CLVS2: variants seen among roughly 807,000 people sequenced by gnomAD.
The protein encoded by CLVS2 is clavesin-2.
In CLVS2, 19 loss-of-function variants were observed where a neutral mutation model predicts 29.0. That is an observed-to-expected ratio of 0.66 (90% CI 0.46 to 0.96). The LOEUF (loss-of-function observed/expected upper bound fraction) is 0.96, where lower values mean the gene tolerates loss of function less well. Among genes scored for constraint, CLVS2 ranks in the 40% least tolerant of loss-of-function variants. The probability of loss-of-function intolerance (pLI) is 0.00; values close to 1 mark genes in which losing one functional copy is unlikely to be tolerated. For missense variants in CLVS2, 294 were observed against 404.1 expected (o/e 0.73, Z 2.34); for synonymous variants, 161 against 151.3 (o/e 1.06, Z -0.47).
intron 2 of CLVS2, among the ~76,000 whole-genome samples, chr6:122,999,932 G>A (rs575842679): frequency 1.3e-5 from 2 of 152,174 alleles, no homozygotes; most frequent in Non-Finnish European, 2.9e-5. Flanking sequence ...ATATATATGA[G>A]AAAGTGATAA....
At chr6:123,031,197 C>T (rs1775078856) in intron 3 of CLVS2, among the ~76,000 whole-genome samples, 1 of 152,096 alleles carries the variant, frequency 6.6e-6, no homozygotes, top group Admixed American at 6.6e-5. Flanking sequence ...TCTCAAACTC[C>T]TGGGTTCAAG....
In CLVS2 at chr6:123,004,943, CA is replaced by C. The variant is rs1226847369; in HGVS notation, c.390-6036del. On this transcript the variant is annotated intron_variant, in intron 2 of 5. Coordinates refer to ENST00000275162, the MANE Select transcript of CLVS2 (RefSeq NM_001010852.4). ...ACAAAAACAAAAACAAAAACAAAAACAAAAAACAAAAAAAAAAAAAACCAAT... is the reference window on the plus strand; with the variant it reads ...ACAAAAACAAAAACAAAAACAAAAACAAAAACAAAAAAAAAAAAAACCAAT... Among the ~76,000 whole-genome samples, 456 of 62,164 alleles carry C rather than the reference CA, an allele frequency of 7.3e-3. 2 individuals are homozygous for C. The highest frequency in any genetic ancestry group is 0.034 in the African/African-American group (378 of 11,058). The allele number at this position is 62,164 out of a possible 152,430, so 40.8% of individuals were successfully genotyped here.
chr6:123,059,876 C>A (rs1249874601), intron 5 of CLVS2, among the ~76,000 whole-genome samples: 1 of 152,144 alleles, frequency 6.6e-6, no homozygotes, highest in Non-Finnish European at 1.5e-5. Flanking sequence ...TTGCTTGTAG[C>A]CCATTAGTGG....
chr6:123,048,166 G>A (rs924612410), intron 3 of CLVS2, among the ~76,000 whole-genome samples: 1 of 152,094 alleles, frequency 6.6e-6, no homozygotes. Flanking sequence ...TGAGTTTTGT[G>A]TCTGGCATTT....
chr6:123,015,712 CT>C (rs1213823248), intron 3 of CLVS2, among the ~76,000 whole-genome samples: 1 of 152,074 alleles, frequency 6.6e-6, no homozygotes, highest in East Asian at 1.9e-4. Context: ...TGGCCTGTGG[CT>C]TTGGACTTTT....
intron 3 of CLVS2, among the ~76,000 whole-genome samples, chr6:123,047,848 C>G (rs1772540699): frequency 6.6e-6 from 1 of 151,980 alleles, no homozygotes; most frequent in Non-Finnish European, 1.5e-5. Flanking sequence ...TTAACATACT[C>G]AAGTGCAGTG....
intron 3 of CLVS2, among the ~76,000 whole-genome samples, chr6:123,016,238 G>A (rs769804020): frequency 4.1e-5 from 6 of 147,560 alleles, no homozygotes; most frequent in Admixed American, 7.0e-5. Context: ...GTAACTGGTC[G>A]GCTAAGATAT....
At chr6:123,045,278 A>T (rs1437212769) in intron 3 of CLVS2, among the ~76,000 whole-genome samples, 1 of 152,138 alleles carries the variant, frequency 6.6e-6, no homozygotes. Context: ...AAACGGATTT[A>T]ATACTGGGAG....
chr6:123,039,107 A>G (rs1775194762), intron 3 of CLVS2, among the ~76,000 whole-genome samples: 1 of 152,132 alleles, frequency 6.6e-6, no homozygotes, highest in Admixed American at 6.5e-5. Context: ...TGGAATATCC[A>G]CTAAAGACTT....
chr6:123,003,790 G>A (rs895403391), intron 2 of CLVS2, among the ~76,000 whole-genome samples: 3 of 152,110 alleles, frequency 2.0e-5, no homozygotes, highest in Non-Finnish European at 4.4e-5. Context: ...GGCAGCTGTG[G>A]GCTACTCAGT....
intron 5 of CLVS2, among the ~76,000 whole-genome samples, chr6:123,060,517 T>C (rs751664957): frequency 2.0e-5 from 3 of 152,224 alleles, no homozygotes; most frequent in Non-Finnish European, 4.4e-5. Context: ...TGTTGATTCA[T>C]TTGCTTCTTG....
chr6:123,009,043 C>A (rs1007699234), intron 2 of CLVS2, among the ~76,000 whole-genome samples: 1 of 152,078 alleles, frequency 6.6e-6, no homozygotes, highest in Admixed American at 6.6e-5. Context: ...TATATCTGTG[C>A]TTATCATTCT....
chr6:123,060,152 G>A (rs1400647843), intron 5 of CLVS2, among the ~76,000 whole-genome samples: 1 of 152,186 alleles, frequency 6.6e-6, no homozygotes, highest in Non-Finnish European at 1.5e-5. Context: ...TTTAGATTAA[G>A]AGGGAGAAAA....
intron 4 of CLVS2, among the ~76,000 whole-genome samples, chr6:123,052,830 C>T (rs975853550): frequency 1.5e-5 from 2 of 136,104 alleles, no homozygotes; most frequent in African/African-American, 5.8e-5. Flanking sequence ...AAATTTGCAG[C>T]AGCCATTGAA....
intron 3 of CLVS2, among the ~76,000 whole-genome samples, chr6:123,041,366 T>G (rs146273705): frequency 0.017 from 2,512 of 152,218 alleles, 217 homozygotes; most frequent in Admixed American, 0.15. Context: ...GCCCACAGTT[T>G]AAAGAACACA....
At chr6:123,039,999 G>A (rs888619629) in intron 3 of CLVS2, among the ~76,000 whole-genome samples, 1 of 152,136 alleles carries the variant, frequency 6.6e-6, no homozygotes, top group Non-Finnish European at 1.5e-5. Context: ...AGTCACCAAA[G>A]CTGAGAGTTT....
At chr6:123,060,669 A>T (rs1016956851) in intron 5 of CLVS2, among the ~76,000 whole-genome samples, 5 of 152,346 alleles carry the variant, frequency 3.3e-5, no homozygotes, top group African/African-American at 1.2e-4. Flanking sequence ...TCCATGAGCC[A>T]TTTCATTAAC....
chr6:123,057,918 T>G (rs758709454), intron 5 of CLVS2, among the ~76,000 whole-genome samples: 6 of 152,162 alleles, frequency 3.9e-5, no homozygotes, highest in Non-Finnish European at 8.8e-5. Flanking sequence ...TGCTAAAAGT[T>G]GTATGCAAAA....
intron 3 of CLVS2, among the ~76,000 whole-genome samples, chr6:123,028,274 A>T (rs894937327): frequency 7.9e-5 from 12 of 152,210 alleles, no homozygotes; most frequent in Admixed American, 5.2e-4. Context: ...CACATGCTAT[A>T]TTAGATCCTG....
Sources: gnomAD v4.1 joint callset for allele counts (sites outside exome capture counted in the v4.1 genomes callset) on GRCh38, gnomAD v4.1.1 for gene constraint, MANE v1.5 for transcripts, NCBI Gene and HGNC (gene_info 2026-07-23, HGNC 2026-07-21) for gene names.